Variants in MRTFB observed in about 807,000 individuals in gnomAD.
MRTFB encodes the protein myocardin related transcription factor B.
In MRTFB, 29 loss-of-function variants were observed where a neutral mutation model predicts 104.2. That is an observed-to-expected ratio of 0.28 (90% CI 0.21 to 0.38). MRTFB has a LOEUF of 0.38. Ranked by LOEUF, MRTFB falls within the 10% of genes least tolerant of loss-of-function variation. The probability of loss-of-function intolerance (pLI) is 1.00; values close to 1 mark genes in which losing one functional copy is unlikely to be tolerated. For synonymous variants in MRTFB, 535 were observed against 519.5 expected, an observed-to-expected ratio of 1.03 and a Z score of -0.41; for missense variants, 1,270 against 1,341.6, an observed-to-expected ratio of 0.95 and a Z score of 0.83.
intron 10 of MRTFB, chr16:14,240,774 T>C (rs1296971322): frequency 1.3e-6 from 1 of 764,600 alleles, no homozygotes; most frequent in Non-Finnish European, 2.4e-6. Context: ...AAAATAGTAC[T>C]AGATGCTCTG....
At chr16:14,227,359 A>G (rs988800235) in intron 8 of MRTFB, among the ~76,000 whole-genome samples, 1 of 152,014 alleles carries the variant, frequency 6.6e-6, no homozygotes, top group African/African-American at 2.4e-5. Flanking sequence ...TTTCCCCTGT[A>G]ATGTCTGTAC....
At chr16:14,160,799 T>G (rs2039002197) in intron 3 of MRTFB, among the ~76,000 whole-genome samples, 1 of 152,178 alleles carries the variant, frequency 6.6e-6, no homozygotes, top group Admixed American at 6.5e-5. Context: ...GATGCATAAA[T>G]TGTCCCAAAT....
intron 2 of MRTFB, among the ~76,000 whole-genome samples, chr16:14,099,098 CA>C (rs532316075): frequency 2.6e-5 from 4 of 152,124 alleles, no homozygotes; most frequent in Non-Finnish European, 5.9e-5. Flanking sequence ...ATCAGCTTTT[CA>C]AGTTATACAA....
intron 7 of MRTFB, among the ~76,000 whole-genome samples, chr16:14,217,794 T>G (rs1366305413): frequency 6.6e-6 from 1 of 152,240 alleles, no homozygotes. Flanking sequence ...TCTGTCTACT[T>G]CTAGGAAATA....
At chr16:14,122,939 C>T (rs1596957020) in intron 2 of MRTFB, among the ~76,000 whole-genome samples, 1 of 152,224 alleles carries the variant, frequency 6.6e-6, no homozygotes, top group East Asian at 1.9e-4. Context: ...TCTCCACATC[C>T]TCTCCAGCAT....
At chr16:14,012,616 G>A in the MRTFB span, among the ~76,000 whole-genome samples, 1 of 152,070 alleles carries the variant, frequency 6.6e-6, no homozygotes, top group African/African-American at 2.4e-5. Context: ...CATTTTCATA[G>A]GCATCATTTC....
chr16:14,259,737 A>G (rs1321569023), intron 16 of MRTFB, among the ~76,000 whole-genome samples: 1 of 152,248 alleles, frequency 6.6e-6, no homozygotes, highest in African/African-American at 2.4e-5. Context: ...GCTTGGCAAC[A>G]GTGCAAGACT....
the MRTFB span, among the ~76,000 whole-genome samples, chr16:14,047,119 C>T: frequency 1.6e-4 from 25 of 152,248 alleles, no homozygotes; most frequent in Admixed American, 3.9e-4. Flanking sequence ...GAAAAACAAA[C>T]GGGAAATTTA....
chr16:14,227,951 T>TAA (rs369511525), intron 8 of MRTFB, among the ~76,000 whole-genome samples: 46 of 134,550 alleles, frequency 3.4e-4, no homozygotes, highest in South Asian at 4.8e-4. Context: ...CAGTCTATCT[T>TAA]AAAAAAAAAA....
the MRTFB span, among the ~76,000 whole-genome samples, chr16:14,030,496 G>T: frequency 6.6e-6 from 1 of 152,168 alleles, no homozygotes; most frequent in Admixed American, 6.5e-5. Context: ...CCATTCTGGG[G>T]GTGAAATAAG....
chr16:14,075,907 A>G (rs1351815914), intron 1 of MRTFB, among the ~76,000 whole-genome samples: 2 of 152,142 alleles, frequency 1.3e-5, no homozygotes, highest in Admixed American at 6.5e-5. Flanking sequence ...AATTGTTTTC[A>G]TGTAGATAAG....
At chr16:14,104,804 T>C (rs2035886819) in intron 2 of MRTFB, among the ~76,000 whole-genome samples, 1 of 152,258 alleles carries the variant, frequency 6.6e-6, no homozygotes, top group African/African-American at 2.4e-5. Flanking sequence ...GAATAGCTAT[T>C]CCATTCATTG....
chr16:14,051,759 T>C, the MRTFB span, among the ~76,000 whole-genome samples: 1 of 151,966 alleles, frequency 6.6e-6, no homozygotes, highest in Non-Finnish European at 1.5e-5. Context: ...CTGGAAGGAG[T>C]GTTCAACGCA....
chr16:14,001,507 G>A, the MRTFB span, among the ~76,000 whole-genome samples: 46 of 152,316 alleles, frequency 3.0e-4, no homozygotes, highest in African/African-American at 1.0e-3. Context: ...CGGATGGCCC[G>A]AGGTGGGTCC....
chr16:14,200,563 C>G, intron 3 of MRTFB: 1 of 1,604,890 alleles, frequency 6.2e-7, no homozygotes, highest in Non-Finnish European at 8.5e-7. Flanking sequence ...TAACAATTAT[C>G]TTGTTGTCAT....
the MRTFB span, among the ~76,000 whole-genome samples, chr16:14,061,566 C>CTTTTT: frequency 6.8e-5 from 7 of 102,618 alleles, no homozygotes; most frequent in East Asian, 3.1e-4. Flanking sequence ...TCAAGGTCAT[C>CTTTTT]TTTTTTTTTT....
intron 2 of MRTFB, among the ~76,000 whole-genome samples, chr16:14,108,814 A>G (rs543619282): frequency 1.3e-5 from 2 of 152,344 alleles, no homozygotes; most frequent in South Asian, 4.1e-4. Flanking sequence ...TGATGATAGC[A>G]GCAACTTCAC....
Position 14,199,084 on chromosome 16 carries a change from G to A in MRTFB, c.155-11159G>A, listed in dbSNP as rs146042062. Among the ~76,000 whole-genome samples, 679 of 152,182 alleles carry A rather than the reference G, an allele frequency of 4.5e-3. 2 individuals carry two copies. Among genetic ancestry groups the A allele is most frequent in the Admixed American group, 8.4e-3 (128 of 15,278 alleles). On this transcript the variant is annotated intron_variant, in intron 3 of 16. Coordinates refer to ENST00000571589, the MANE Select transcript of MRTFB (RefSeq NM_001308142.2). Reference sequence around the variant, plus strand: ...AAGCATGCTTACACTCTTGCCTCTCGTTCACACCTGACCTCCTCCAACCTG... The same window carrying A: ...AAGCATGCTTACACTCTTGCCTCTCATTCACACCTGACCTCCTCCAACCTG...
chr16:14,116,685 G>T (rs1456943867), intron 2 of MRTFB, among the ~76,000 whole-genome samples: 1 of 151,900 alleles, frequency 6.6e-6, no homozygotes, highest in South Asian at 2.1e-4. Context: ...GGCGGGGGTG[G>T]TCATTGTAAG....
Sources: gnomAD v4.1 joint callset for allele counts (sites outside exome capture counted in the v4.1 genomes callset) on GRCh38, gnomAD v4.1.1 for gene constraint, MANE v1.5 for transcripts, NCBI Gene and HGNC (gene_info 2026-07-23, HGNC 2026-07-21) for gene names.